Variants in DSCAM observed in about 807,000 individuals in gnomAD.
The protein encoded by DSCAM is cell adhesion molecule DSCAM.
Under a neutral mutation model 217.7 loss-of-function variants are expected in DSCAM, and 47 were observed. The observed-to-expected ratio is 0.22, with a 90% CI of 0.17 to 0.28. The LOEUF is 0.28. Among genes scored for constraint, DSCAM ranks in the 10% least tolerant of loss-of-function variants. The pLI is 1.00. For synonymous variants in DSCAM, 1,056 were observed against 1,015.3 expected (o/e 1.04, Z -0.76); for missense variants, 2,080 against 2,618.3 (o/e 0.79, Z 4.49).
intron 1 of DSCAM, among the ~76,000 whole-genome samples, chr21:40,750,894 C>T (rs1213584708): frequency 1.3e-5 from 2 of 152,178 alleles, no homozygotes; most frequent in Non-Finnish European, 2.9e-5. Context: ...CACCATCTCT[C>T]GTTAGAATGA....
At chr21:40,225,725 T>C (rs1224730116) in intron 11 of DSCAM, among the ~76,000 whole-genome samples, 1 of 152,112 alleles carries the variant, frequency 6.6e-6, no homozygotes, top group Non-Finnish European at 1.5e-5. Flanking sequence ...CACACGATCT[T>C]TGTTGGGACC....
chr21:40,842,464 C>T (rs1394259641), intron 1 of DSCAM, among the ~76,000 whole-genome samples: 4 of 152,184 alleles, frequency 2.6e-5, no homozygotes, highest in Non-Finnish European at 2.9e-5. Context: ...GCTAATTTTA[C>T]GAAACCTGGA....
intron 28 of DSCAM, among the ~76,000 whole-genome samples, chr21:40,060,627 A>C (rs960918773): frequency 6.6e-6 from 1 of 152,226 alleles, no homozygotes; most frequent in Non-Finnish European, 1.5e-5. Flanking sequence ...CTAAAGGGCT[A>C]CTGTGCCTAC....
At chr21:40,731,734 C>CT (rs948563651) in intron 1 of DSCAM, among the ~76,000 whole-genome samples, 1 of 124,228 alleles carries the variant, frequency 8.0e-6, no homozygotes, top group Non-Finnish European at 1.7e-5. Flanking sequence ...CTGCACCCCC[C>CT]CCCCCGCCCC....
At chr21:40,370,735 C>T (rs948211315) in intron 3 of DSCAM, among the ~76,000 whole-genome samples, 1 of 152,058 alleles carries the variant, frequency 6.6e-6, no homozygotes, top group Non-Finnish European at 1.5e-5. Flanking sequence ...ATCCTTCCAC[C>T]TCAGCCTCCC....
intron 11 of DSCAM, among the ~76,000 whole-genome samples, chr21:40,189,441 T>C (rs1678402463): frequency 6.6e-6 from 1 of 152,130 alleles, no homozygotes; most frequent in African/African-American, 2.4e-5. Flanking sequence ...TCAGCAGAAA[T>C]TGCCATGCCG....
intron 3 of DSCAM, among the ~76,000 whole-genome samples, chr21:40,612,356 G>A (rs1485362503): frequency 6.6e-6 from 1 of 152,114 alleles, no homozygotes; most frequent in East Asian, 1.9e-4. Flanking sequence ...CAGTCTTTGG[G>A]AGAACATTCT....
At chr21:40,037,357 T>A (rs1399376509) in intron 32 of DSCAM, among the ~76,000 whole-genome samples, 2 of 149,524 alleles carry the variant, frequency 1.3e-5, no homozygotes, top group African/African-American at 2.5e-5. Context: ...TCACAAGCAT[T>A]CTTATACACC....
chr21:40,085,910 T>C, intron 22 of DSCAM, 145 bp from the exon 23 acceptor site: 1 of 685,292 alleles, frequency 1.5e-6, no homozygotes, highest in East Asian at 3.1e-5. Flanking sequence ...CTAAATATGA[T>C]TACATAATGA....
intron 3 of DSCAM, among the ~76,000 whole-genome samples, chr21:40,445,191 C>A (rs1298300732): frequency 6.6e-6 from 1 of 152,140 alleles, no homozygotes; most frequent in Non-Finnish European, 1.5e-5. Flanking sequence ...AATCACTTCC[C>A]AAAAGGCTCT....
At chr21:40,281,279 G>GT (rs1452668543) in intron 10 of DSCAM, among the ~76,000 whole-genome samples, 1 of 152,158 alleles carries the variant, frequency 6.6e-6, no homozygotes, top group East Asian at 1.9e-4. Flanking sequence ...AAGCACTGAA[G>GT]TTCTTGAACT....
At chr21:40,423,154 G>A (rs1758019264) in intron 3 of DSCAM, among the ~76,000 whole-genome samples, 1 of 152,140 alleles carries the variant, frequency 6.6e-6, no homozygotes, top group Non-Finnish European at 1.5e-5. Context: ...TATCGCCTGG[G>A]TAATTTATGT....
chr21:40,811,836 C>A (rs1339837140), intron 1 of DSCAM, among the ~76,000 whole-genome samples: 1 of 152,144 alleles, frequency 6.6e-6, no homozygotes, highest in Admixed American at 6.5e-5. Flanking sequence ...TATGGGGTCC[C>A]ATATGGGATA....
chr21:40,627,338 G>A (rs901703869), intron 3 of DSCAM, among the ~76,000 whole-genome samples: 1 of 152,146 alleles, frequency 6.6e-6, no homozygotes, highest in African/African-American at 2.4e-5. Flanking sequence ...TGTGGAATAG[G>A]CAAGAAAAGC....
chr21:40,158,648 G>A (rs574360158), intron 16 of DSCAM, among the ~76,000 whole-genome samples: 16 of 152,226 alleles, frequency 1.1e-4, no homozygotes, highest in Admixed American at 7.8e-4. Flanking sequence ...GGGAAGTCTT[G>A]TTTCCTAAAT....
At chr21:40,703,985 T>G (rs188062984) in intron 2 of DSCAM, among the ~76,000 whole-genome samples, 70 of 152,294 alleles carry the variant, frequency 4.6e-4, no homozygotes, top group African/African-American at 1.6e-3. Context: ...TCTTTCATTA[T>G]TATCATCTTG....
chr21:40,240,542 T>G (rs2073138920), intron 11 of DSCAM, among the ~76,000 whole-genome samples: 2 of 152,156 alleles, frequency 1.3e-5, no homozygotes, highest in African/African-American at 4.8e-5. Context: ...CTTTTCTACC[T>G]AAATTACCTT....
intron 3 of DSCAM, among the ~76,000 whole-genome samples, chr21:40,550,660 G>T (rs967140144): frequency 1.2e-4 from 18 of 152,166 alleles, no homozygotes; most frequent in Non-Finnish European, 2.2e-4. Flanking sequence ...TATTTCTCTA[G>T]AGTAGTAGTA....
chr21:40,786,634 ACC>A (rs1257763607), intron 1 of DSCAM, among the ~76,000 whole-genome samples: 1 of 152,170 alleles, frequency 6.6e-6, no homozygotes, highest in Non-Finnish European at 1.5e-5. Context: ...AAAAAGCCAG[ACC>A]TTTGGTCAAA....
Sources: allele counts gnomAD v4.1 joint callset (sites outside exome capture counted in the v4.1 genomes callset), GRCh38; gene constraint gnomAD v4.1.1; transcripts MANE v1.5; gene names NCBI Gene and HGNC (gene_info 2026-07-23, HGNC 2026-07-21).